CSNK1A1: variants seen among roughly 807,000 people sequenced by gnomAD.
The protein encoded by CSNK1A1 is casein kinase I isoform alpha.
CSNK1A1 carries 7 observed loss-of-function variants against 46.1 expected under a neutral mutation model. The ratio of observed to expected loss-of-function variants is 0.15; its 90% CI spans 0.09 to 0.29. The LOEUF is 0.29. CSNK1A1 is among the 10% of genes least tolerant of loss of function. The pLI is 1.00. For synonymous variants in CSNK1A1, 137 were observed against 141.5 expected, an observed-to-expected ratio of 0.97 and a Z score of 0.23; for missense variants, 96 against 417.1, an observed-to-expected ratio of 0.23 and a Z score of 6.71.
chr5:149,546,588 G>A (rs369618328), intron 2 of CSNK1A1, among the ~76,000 whole-genome samples: 13 of 151,008 alleles, frequency 8.6e-5, no homozygotes, highest in African/African-American at 2.7e-4. Flanking sequence ...AGCCAAGACT[G>A]TACCACTGCA....
intron 4 of CSNK1A1, among the ~76,000 whole-genome samples, chr5:149,519,080 A>AT (rs1476647176): frequency 1.3e-5 from 2 of 152,314 alleles, no homozygotes; most frequent in East Asian, 1.9e-4. Context: ...GCTATAAAAT[A>AT]TTTTTTAATG....
At chr5:149,529,782 T>A (rs1218623176) in intron 2 of CSNK1A1, 5 of 455,902 alleles carry the variant, frequency 1.1e-5, no homozygotes. Context: ...AAATCAGTAA[T>A]TATTAGCCTT....
intron 9 of CSNK1A1, chr5:149,502,701 T>A (rs190862468): frequency 3.2e-4 from 317 of 984,838 alleles, no homozygotes; most frequent in Middle Eastern, 1.0e-3. Context: ...AAAACCCCAG[T>A]AGGATGTTTT....
chr5:149,497,281 A>G, intron 9 of CSNK1A1: 1 of 993,260 alleles, frequency 1.0e-6, no homozygotes, highest in Non-Finnish European at 1.2e-6. Flanking sequence ...ACACAAATTA[A>G]AACGGTTAGC....
Position 149,525,722 on chromosome 5 carries a change from T to C in CSNK1A1, c.231-551A>G, listed in dbSNP as rs184526230. On this transcript the variant is annotated intron_variant, in intron 2 of 9. Coordinates refer to ENST00000377843, the MANE Select transcript of CSNK1A1 (RefSeq NM_001892.6). This position sits in a 1 kb window ranked among gnomAD's most constrained non-coding sequence, Gnocchi z 4.2. ...ACACAAGGTAATGACATTTATTTGC[T>C]TTTAACTGGAATCATGTTTTAATTA... is the stretch of plus-strand genomic sequence containing the variant. Among the ~76,000 whole-genome samples the C allele has an allele frequency of 2.0e-5, 3 of 152,334 alleles. No individual in the cohort carries two copies. The highest frequency in any genetic ancestry group is 1.3e-4 in the Admixed American group (2 of 15,302).
intron 3 of CSNK1A1, among the ~76,000 whole-genome samples, chr5:149,523,592 AC>A (rs1475371442): frequency 6.6e-6 from 1 of 152,234 alleles, no homozygotes; most frequent in African/African-American, 2.4e-5. Context: ...GCCACTGAGT[AC>A]TTTTAAGGTT....
Position 149,513,102 on chromosome 5 carries a change from A to C in CSNK1A1, c.564T>G (p.Ala188=). ...CAATACCAAGATGTGCATTGATGCT[A>C]GCATATCGGGCAGTGCCAGTGAGGT... ...DKNLTGTARY[A]SINAHLGIEQ... The change falls in exon 5 of 10, where the codon GCT becomes GCG. Residue 188 remains alanine (A), a synonymous_variant. Coordinates refer to ENST00000377843, the MANE Select transcript of CSNK1A1 (RefSeq NM_001892.6). 1 of 1,614,138 alleles carries C rather than the reference A, an allele frequency of 6.2e-7. No individual in the cohort carries two copies. The highest frequency in any genetic ancestry group is 8.5e-7 in the Non-Finnish European group (1 of 1,179,992).
chr5:149,544,736 T>TA (rs59756979), intron 2 of CSNK1A1, among the ~76,000 whole-genome samples: 2,409 of 54,254 alleles, frequency 0.044, 134 homozygotes, highest in East Asian at 0.12. Flanking sequence ...GGTAAAGAGC[T>TA]TTATATATAT....
At chr5:149,519,679 T>C (rs1161771187) in intron 4 of CSNK1A1, among the ~76,000 whole-genome samples, 1 of 152,216 alleles carries the variant, frequency 6.6e-6, no homozygotes, top group Non-Finnish European at 1.5e-5. Context: ...GTCTACATTT[T>C]CCTTTAAAGG....
intron 2 of CSNK1A1, among the ~76,000 whole-genome samples, chr5:149,535,957 T>C (rs1237268023): frequency 6.6e-6 from 1 of 151,884 alleles, no homozygotes; most frequent in Non-Finnish European, 1.5e-5. Context: ...CCAAATGGCT[T>C]TCTTTCTTTT....
At chr5:149,533,850 A>G (rs1467606501) in intron 2 of CSNK1A1, among the ~76,000 whole-genome samples, 12 of 152,244 alleles carry the variant, frequency 7.9e-5, no homozygotes, top group East Asian at 1.9e-4. Flanking sequence ...TATAGTCTTC[A>G]TAACACAAAT....
At chr5:149,540,394 C>A (rs1400300017) in intron 2 of CSNK1A1, among the ~76,000 whole-genome samples, 5 of 152,102 alleles carry the variant, frequency 3.3e-5, no homozygotes, top group Non-Finnish European at 7.4e-5. Flanking sequence ...ACTGCTCACA[C>A]CGACAAGAAA....
At position 149,550,798 on chromosome 5, in the gene CSNK1A1, A is replaced by C. The variant is rs1341762196; in HGVS notation, c.123+44T>G. ...GTGCACGGTGGTGGTGGGGGGAATG[A>C]GTAAAAGCGCAGCGTTATCGTGAAC... On this transcript the variant is annotated intron_variant, in intron 1 of 9. Coordinates refer to ENST00000377843, the MANE Select transcript of CSNK1A1 (RefSeq NM_001892.6). The surrounding 1 kb of genome is among the most constrained non-coding windows in gnomAD (Gnocchi z 4.3). The C allele has an allele frequency of 6.2e-7, 1 of 1,613,068 alleles. No homozygotes were observed.
chr5:149,536,314 G>GT (rs1051855133), intron 2 of CSNK1A1, among the ~76,000 whole-genome samples: 1 of 152,156 alleles, frequency 6.6e-6, no homozygotes, highest in Non-Finnish European at 1.5e-5. Context: ...TACAGACAAT[G>GT]TTTCTGTATG....
intron 2 of CSNK1A1, among the ~76,000 whole-genome samples, chr5:149,540,359 C>T (rs1762190197): frequency 1.3e-5 from 2 of 152,060 alleles, no homozygotes; most frequent in African/African-American, 4.8e-5. Context: ...TCCAAAATCC[C>T]CATTAAAGGG....
At chr5:149,522,948 T>C (rs1761615812) in intron 3 of CSNK1A1, among the ~76,000 whole-genome samples, 2 of 152,192 alleles carry the variant, frequency 1.3e-5, no homozygotes, top group African/African-American at 2.4e-5. Flanking sequence ...ACATGTTCAA[T>C]GTATGGATGC....
At chr5:149,543,270 G>A (rs1762360280) in intron 2 of CSNK1A1, among the ~76,000 whole-genome samples, 1 of 152,150 alleles carries the variant, frequency 6.6e-6, no homozygotes, top group African/African-American at 2.4e-5. Context: ...CTGGAAGTTA[G>A]GACACTCCAG....
At chr5:149,505,220 T>C in intron 9 of CSNK1A1, 1 of 1,194,068 alleles carries the variant, frequency 8.4e-7, no homozygotes, top group South Asian at 3.7e-5. Flanking sequence ...GATATAAATA[T>C]ACACACATAT....
chr5:149,505,253 A>C, intron 9 of CSNK1A1, 194 bp downstream of exon 9: 1 of 1,375,942 alleles, frequency 7.3e-7, no homozygotes, highest in Non-Finnish European at 9.4e-7. Context: ...ATACATATAC[A>C]TATATATGAA....
Sources: gnomAD v4.1 joint callset for allele counts (sites outside exome capture counted in the v4.1 genomes callset) on GRCh38, gnomAD v4.1.1 for gene constraint, Gnocchi (gnomAD v3.1) non-coding constraint, MANE v1.5 for transcripts, NCBI Gene and HGNC (gene_info 2026-07-23, HGNC 2026-07-21) for gene names.